Variants in ZNF609 observed in about 807,000 individuals in gnomAD.
The protein encoded by ZNF609 is zinc finger protein 609.
ZNF609 carries 11 observed loss-of-function variants against 109.5 expected under a neutral mutation model. That is an observed-to-expected ratio of 0.10 (90% CI 0.06 to 0.17). ZNF609 has a LOEUF of 0.17. ZNF609 is among the 10% of genes least tolerant of loss of function. The pLI is 1.00. For synonymous variants in ZNF609, 646 were observed against 662.0 expected (o/e 0.98, Z 0.37); for missense variants, 1,559 against 1,772.4 (o/e 0.88, Z 2.16).
intron 3 of ZNF609, among the ~76,000 whole-genome samples, chr15:64,652,458 C>T (rs1475625146): frequency 6.7e-6 from 1 of 150,104 alleles, no homozygotes; most frequent in African/African-American, 2.5e-5. Context: ...ATGATCACAG[C>T]TCACTACAGC....
intron 2 of ZNF609, among the ~76,000 whole-genome samples, chr15:64,515,386 A>G (rs1249233049): frequency 6.6e-6 from 1 of 152,184 alleles, no homozygotes; most frequent in East Asian, 1.9e-4. Context: ...CTGAGTAAAA[A>G]TGACTCTGGG....
intron 3 of ZNF609, chr15:64,631,667 G>T: frequency 3.5e-6 from 1 of 285,650 alleles, no homozygotes; most frequent in South Asian, 4.0e-5. Context: ...CGAGTATCTG[G>T]GATTATAGGC....
chr15:64,629,622 T>C (rs1896033409), intron 3 of ZNF609, among the ~76,000 whole-genome samples: 1 of 152,206 alleles, frequency 6.6e-6, no homozygotes, highest in Admixed American at 6.5e-5. Flanking sequence ...TTGGAGAGGT[T>C]TCCCAGAAGC....
At chr15:64,545,252 G>A (rs753713406) in intron 2 of ZNF609, among the ~76,000 whole-genome samples, 4 of 151,774 alleles carry the variant, frequency 2.6e-5, no homozygotes, top group Non-Finnish European at 5.9e-5. Context: ...AGCTTGGAGT[G>A]CAGTGGCGTG....
At chr15:64,513,956 T>G (rs512127) in intron 2 of ZNF609, among the ~76,000 whole-genome samples, 141,556 of 152,048 alleles carry the variant, frequency 0.93, 66,421 homozygotes, top group East Asian at 1. Flanking sequence ...GCTGGGTGTG[T>G]TGATACATGC....
intron 2 of ZNF609, among the ~76,000 whole-genome samples, chr15:64,597,554 T>C (rs201951660): frequency 2.6e-5 from 4 of 152,290 alleles, no homozygotes; most frequent in African/African-American, 9.6e-5. Context: ...GCAGCGGCAG[T>C]TTTCTCTGAA....
chr15:64,658,471 A>G (rs745499342), intron 3 of ZNF609, among the ~76,000 whole-genome samples: 12 of 152,016 alleles, frequency 7.9e-5, no homozygotes, highest in Admixed American at 2.6e-4. Flanking sequence ...TGCTGGGATT[A>G]CAGGTGTGAG....
chr15:64,682,260 G>C lies in ZNF609; in HGVS notation c.*574G>C, dbSNP rs1485966466. The C allele has an allele frequency of 6.6e-6, 1 of 152,648 alleles. No individual in the cohort carries two copies. The allele number at this position is 152,648 out of a possible 1,614,324, so 9.5% of individuals were successfully genotyped here. ...ATTGGGGGTTGTTTTCTACATAATTGTGAAAACAAGGTCTTCAAATGTGGA... is the reference window on the plus strand; with the variant it reads ...ATTGGGGGTTGTTTTCTACATAATTCTGAAAACAAGGTCTTCAAATGTGGA... On this transcript the variant is annotated 3_prime_UTR_variant, in exon 10 of 10. Transcript: ENST00000326648.
At position 64,673,836 on chromosome 15, in the gene ZNF609, G is replaced by A. The variant is rs568708735; in HGVS notation, c.1062-80G>A. The A allele has an allele frequency of 1.9e-5, 28 of 1,471,076 alleles. No individual in the cohort carries two copies. In the African/African-American group the frequency reaches 3.9e-4, roughly 21 times the overall value. The allele number at this position is 1,471,076 out of a possible 1,614,324, so 91.1% of individuals were successfully genotyped here. ...GAAAATGATAGTCACCATCTGGACA[G>A]TTCTGGAGGCTACAGCTAAACTGCT... On this transcript the variant is annotated intron_variant, in intron 4 of 9. Transcript: ENST00000326648.
At chr15:64,577,619 G>A (rs12909558) in intron 2 of ZNF609, among the ~76,000 whole-genome samples, 145 of 3,400 alleles carry the variant, frequency 0.043, 2 homozygotes, top group African/African-American at 0.085. Flanking sequence ...ATATATATGT[G>A]TATATATACA....
At chr15:64,551,429 G>A (rs1894470278) in intron 2 of ZNF609, among the ~76,000 whole-genome samples, 1 of 152,148 alleles carries the variant, frequency 6.6e-6, no homozygotes, top group South Asian at 2.1e-4. Context: ...GCCGAGGCAG[G>A]CGGATAACCT....
At chr15:64,510,362 A>G (rs1893706372) in intron 2 of ZNF609, among the ~76,000 whole-genome samples, 1 of 151,830 alleles carries the variant, frequency 6.6e-6, no homozygotes, top group East Asian at 1.9e-4. Flanking sequence ...ATATCACCAC[A>G]TCGGGCTAAT....
chr15:64,674,005 A>G lies in ZNF609; in HGVS notation c.1151A>G (p.Asn384Ser), dbSNP rs1896772397. ...CGTCCCAACAGTAATACACCTGTCA[A>G]TGAGACAGCCACAGCCTCTGACAGC... ...RMRPNSNTPV[N>S]ETATASDSKG... The change falls in exon 5 of 10, where the codon AAT becomes AGT. Residue 384 changes from asparagine (N) to serine (S), a missense_variant. Physicochemically the swap from Asn to Ser is conservative, Grantham distance 46. This residue lies in a region of ZNF609 where 1,204 missense variants were observed against 1,314.1 expected (regional missense o/e 0.92). Transcript: ENST00000326648. The G allele has an allele frequency of 3.7e-6, 6 of 1,614,174 alleles. No individual in the cohort carries two copies. In the South Asian group the frequency reaches 4.4e-5, roughly 12 times the overall value.
intron 1 of ZNF609, among the ~76,000 whole-genome samples, chr15:64,483,971 TC>T (rs983456744): frequency 1.5e-4 from 23 of 152,088 alleles, no homozygotes; most frequent in Admixed American, 9.8e-4. Flanking sequence ...TGTTTTTTTT[TC>T]CCCCATTGCA....
intron 2 of ZNF609, among the ~76,000 whole-genome samples, chr15:64,611,095 A>G (rs1402960067): frequency 2.0e-5 from 3 of 152,170 alleles, no homozygotes; most frequent in Non-Finnish European, 4.4e-5. Flanking sequence ...TAGGAAATGC[A>G]TATGTGAAAG....
intron 2 of ZNF609, among the ~76,000 whole-genome samples, chr15:64,560,078 G>A (rs1018995271): frequency 4.6e-5 from 7 of 151,724 alleles, no homozygotes; most frequent in African/African-American, 1.7e-4. Flanking sequence ...ACTGAGTCTC[G>A]CTCTGTCACC....
At chr15:64,605,783 G>C (rs944672261) in intron 2 of ZNF609, among the ~76,000 whole-genome samples, 1 of 140,212 alleles carries the variant, frequency 7.1e-6, no homozygotes, top group Non-Finnish European at 1.5e-5. Flanking sequence ...GCCCAGGCTT[G>C]AGTGCAGTGG....
At chr15:64,611,287 A>G (rs146896836) in intron 2 of ZNF609, among the ~76,000 whole-genome samples, 4 of 152,242 alleles carry the variant, frequency 2.6e-5, no homozygotes, top group African/African-American at 9.6e-5. Context: ...CATCAGCTGC[A>G]AAGTTAATAA....
intron 2 of ZNF609, among the ~76,000 whole-genome samples, chr15:64,555,149 G>C (rs1209600211): frequency 6.6e-6 from 1 of 150,884 alleles, no homozygotes; most frequent in Non-Finnish European, 1.5e-5. Context: ...AGGATCGTTT[G>C]AGCCCAGGAG....
Sources: gnomAD v4.1 joint callset for allele counts (sites outside exome capture counted in the v4.1 genomes callset) on GRCh38, gnomAD v4.1.1 for gene constraint, gnomAD v4.1.1 regional missense constraint, MANE v1.5 for transcripts, NCBI Gene and HGNC (gene_info 2026-07-23, HGNC 2026-07-21) for gene names.